C18orf54: variants seen among roughly 807,000 people sequenced by gnomAD.
C18orf54 encodes the protein lung adenoma susceptibility protein 2.
In C18orf54, 49 loss-of-function variants were observed where a neutral mutation model predicts 49.3. The observed-to-expected ratio is 0.99, with a 90% confidence interval of 0.79 to 1.26. C18orf54 has a LOEUF of 1.26. Among genes scored for constraint, C18orf54 ranks in the 50% most tolerant of loss-of-function variants. The pLI is 0.00. For missense variants in C18orf54, 687 were observed against 620.6 expected (o/e 1.11, Z -1.14); for synonymous variants, 211 against 216.6 (o/e 0.97, Z 0.23).
intron 8 of C18orf54, among the ~76,000 whole-genome samples, chr18:54,377,686 A>G (rs1361852336): frequency 6.6e-6 from 1 of 152,204 alleles, no homozygotes; most frequent in Non-Finnish European, 1.5e-5. Context: ...GATCAATAAA[A>G]ATGAGTTTTG....
rs1190968531 is a variant in C18orf54 at position 54,372,545 on chromosome 18, A to G, written c.1406A>G (p.Gln469Arg). The G allele has an allele frequency of 3.7e-6, 6 of 1,610,886 alleles. No homozygotes were observed. The highest frequency in any genetic ancestry group is 4.2e-6 in the Non-Finnish European group (5 of 1,177,986). ...KQMLFNLQAVQERFNQNKTTD... is the reference protein window; with the variant it reads ...KQMLFNLQAVRERFNQNKTTD... ...ATGTTATTTAACCTTCAAGCAGTAC[A>G]AGAACGTTTTAATCAAAATAAGACC... The change falls in exon 7 of 9, where the codon CAA becomes CGA. Residue 469 changes from glutamine to arginine, a missense_variant. Coordinates refer to ENST00000620105, the MANE Select transcript of C18orf54 (RefSeq NM_001288980.2).
intron 2 of C18orf54, among the ~76,000 whole-genome samples, chr18:54,359,694 C>CA (rs2089223102): frequency 6.6e-6 from 1 of 152,158 alleles, no homozygotes; most frequent in Non-Finnish European, 1.5e-5. Flanking sequence ...AGAATGTCAT[C>CA]ATGGACTGAA....
chr18:54,372,313 G>T (rs764164918), intron 6 of C18orf54, among the ~76,000 whole-genome samples, 153 bp from the exon 7 acceptor site: 1 of 151,968 alleles, frequency 6.6e-6, no homozygotes, highest in African/African-American at 2.4e-5. Context: ...GGGAAGTGGT[G>T]AGTTACAATT....
At chr18:54,360,418 A>G in intron 2 of C18orf54, 109 bp from the exon 3 acceptor site, 1 of 663,940 alleles carries the variant, frequency 1.5e-6, no homozygotes. Flanking sequence ...GTTATAGATA[A>G]TGGATTTTAT....
chr18:54,373,029 GC>G (rs1441690600), intron 7 of C18orf54, among the ~76,000 whole-genome samples: 3 of 151,644 alleles, frequency 2.0e-5, no homozygotes. Context: ...GTGTTCATTG[GC>G]TGTTATGAAT....
chr18:54,365,202 T>C (rs2144729402), intron 5 of C18orf54, among the ~76,000 whole-genome samples: 1 of 152,178 alleles, frequency 6.6e-6, no homozygotes, highest in East Asian at 1.9e-4. Flanking sequence ...TGAGATTGCA[T>C]GCAGGAATGT....
chr18:54,362,525 A>G lies in C18orf54; in HGVS notation c.1072+94A>G, dbSNP rs146259965. The G allele has an allele frequency of 6.5e-3, 7,424 of 1,146,998 alleles. 35 individuals carry two copies. The highest frequency in any genetic ancestry group is 8.0e-3 in the Non-Finnish European group (6,774 of 847,318). The allele number at this position is 1,146,998 out of a possible 1,614,324, so 71.1% of individuals were successfully genotyped here. ...GTTGATGTGATATCTGGGAGCTTTT[A>G]TGTTTTGTTTTCATGTAATACATCT... On this transcript the variant is annotated intron_variant, in intron 4 of 8. Transcript: ENST00000620105.
chr18:54,370,470 T>C (rs2089466720), intron 6 of C18orf54, among the ~76,000 whole-genome samples: 1 of 152,192 alleles, frequency 6.6e-6, no homozygotes, highest in Non-Finnish European at 1.5e-5. Context: ...CAAAGTGTCC[T>C]GGAAACAGTC....
At position 54,381,836 on chromosome 18, in the gene C18orf54, G is replaced by T. The variant is rs537831794; in HGVS notation, c.*3590G>T. 6.6e-6 allele frequency: 1 copy of T among 152,132 alleles called. No homozygotes were observed. Among genetic ancestry groups the T allele is most frequent in the African/African-American group, 2.4e-5 (1 of 41,416 alleles). The allele number at this position is 152,132 out of a possible 1,614,324, so 9.4% of individuals were successfully genotyped here. A position where few individuals can be genotyped will look rare whatever the true frequency, so the allele number is the denominator to read the frequency against. On this transcript the variant is annotated 3_prime_UTR_variant, in exon 9 of 9. Coordinates refer to ENST00000620105, the MANE Select transcript of C18orf54 (RefSeq NM_001288980.2). ...ATACTATGTTGTATTCCTAGACAAG[G>T]AAATGTATATCAAAATATGTTAGAT...
chr18:54,372,771 T>G (rs1454993035), intron 7 of C18orf54, among the ~76,000 whole-genome samples, 174 bp downstream of exon 7: 1 of 151,962 alleles, frequency 6.6e-6, no homozygotes, highest in African/African-American at 2.4e-5. Context: ...CGTTTAATTC[T>G]GTTTGATTTC....
chr18:54,376,156 T>A (rs371376752), intron 8 of C18orf54, among the ~76,000 whole-genome samples: 13 of 152,360 alleles, frequency 8.5e-5, no homozygotes, highest in African/African-American at 3.1e-4. Flanking sequence ...TTTACATTCC[T>A]CAAATAACAG....
At position 54,378,451 on chromosome 18, in the gene C18orf54, G is replaced by C; in HGVS notation, c.*205G>C. On this transcript the variant is annotated 3_prime_UTR_variant, in exon 9 of 9. Transcript: ENST00000620105. The stretch of plus-strand genomic sequence containing the variant: ...ATTTTGTGCCAACATACTAGAATGT[G>C]AACTGCAAGGACCCACAATATATCC... 2.4e-6 allele frequency: 1 copy of C among 416,572 alleles called. No individual in the cohort carries two copies. The highest frequency in any genetic ancestry group is 3.9e-5 in the East Asian group (1 of 25,728). The allele number at this position is 416,572 out of a possible 1,614,324, so 25.8% of individuals were successfully genotyped here.
rs1300496071 is a variant in C18orf54 at position 54,358,080 on chromosome 18, GGTTTTT to G, written c.-144+17_-144+22del. The G allele has an allele frequency of 5.2e-5, 8 of 152,976 alleles. No individual in the cohort carries two copies. The highest frequency in any genetic ancestry group is 1.9e-4 in the African/African-American group (8 of 41,570). The allele number at this position is 152,976 out of a possible 1,614,324, so 9.5% of individuals were successfully genotyped here. On this transcript the variant is annotated splice_donor_region_variant and intron_variant, in intron 1 of 8. Coordinates refer to ENST00000620105, the MANE Select transcript of C18orf54 (RefSeq NM_001288980.2). ...TCGGCGGAGAGCTGTGGAAGTGTGC[GGTTTTT>G]GTTTTTGTTTTCCTTTATTTTTATT... is the stretch of plus-strand genomic sequence containing the variant.
intron 6 of C18orf54, 70 bp downstream of exon 6, chr18:54,365,891 G>A: frequency 2.3e-6 from 2 of 856,564 alleles, no homozygotes; most frequent in Non-Finnish European, 3.4e-6. Flanking sequence ...TAATTTTTAA[G>A]TTACTTAGAT....
intron 8 of C18orf54, 99 bp downstream of exon 8, chr18:54,374,383 C>A: frequency 7.9e-7 from 1 of 1,270,900 alleles, no homozygotes; most frequent in Non-Finnish European, 1.0e-6. Context: ...AAGAGTAGCA[C>A]TACTAGGCAT....
chr18:54,371,005 A>AATTTACC (rs1484129833), intron 6 of C18orf54, among the ~76,000 whole-genome samples: 1 of 152,058 alleles, frequency 6.6e-6, no homozygotes, highest in Non-Finnish European at 1.5e-5. Context: ...CATAACATAA[A>AATTTACC]ATTTACCATT....
intron 6 of C18orf54, among the ~76,000 whole-genome samples, chr18:54,370,824 A>C (rs2089473209): frequency 6.6e-6 from 1 of 152,192 alleles, no homozygotes; most frequent in African/African-American, 2.4e-5. Context: ...TATGGTTGGC[A>C]TAAGGCAGCC....
intron 7 of C18orf54, 102 bp from the exon 8 acceptor site, chr18:54,374,112 G>A: frequency 1.0e-6 from 1 of 991,028 alleles, no homozygotes; most frequent in Non-Finnish European, 1.4e-6. Context: ...GTTTGGAAAT[G>A]TAGAAAATAT....
rs2089679468 is a variant in C18orf54 at position 54,381,845 on chromosome 18, A to G, written c.*3599A>G. On this transcript the variant is annotated 3_prime_UTR_variant, in exon 9 of 9. Coordinates refer to ENST00000620105, the MANE Select transcript of C18orf54 (RefSeq NM_001288980.2). ...TGTATTCCTAGACAAGGAAATGTAT[A>G]TCAAAATATGTTAGATGATTGATTG... The G allele has an allele frequency of 6.6e-6, 1 of 152,226 alleles. No individual in the cohort carries two copies. The highest frequency in any genetic ancestry group is 2.4e-5 in the African/African-American group (1 of 41,462). 9.4% of individuals were successfully genotyped at this position (152,226 alleles called of 1,614,324 possible).
Sources: allele counts gnomAD v4.1 joint callset (sites outside exome capture counted in the v4.1 genomes callset), GRCh38; gene constraint gnomAD v4.1.1; transcripts MANE v1.5; gene names NCBI Gene and HGNC (gene_info 2026-07-23, HGNC 2026-07-21).